Variants in RTN1 observed in about 807,000 individuals in gnomAD.
RTN1 encodes reticulon 1.
RTN1 carries 25 observed loss-of-function variants against 65.5 expected under a neutral mutation model. That is an observed-to-expected ratio of 0.38 (90% CI 0.28 to 0.53). The LOEUF is 0.53. RTN1 is among the 20% of genes least tolerant of loss of function. RTN1 has a pLI of 0.79. For synonymous variants in RTN1, 471 were observed against 447.6 expected (o/e 1.05, Z -0.66); for missense variants, 983 against 1,025.4 (o/e 0.96, Z 0.57).
At chr14:59,669,656 T>G (rs1375830899) in intron 3 of RTN1, among the ~76,000 whole-genome samples, 2 of 152,072 alleles carry the variant, frequency 1.3e-5, no homozygotes, top group African/African-American at 2.4e-5. Context: ...CTTATGATCA[T>G]GAGGAGATGA....
chr14:59,736,916 C>A, intron 2 of RTN1, among the ~76,000 whole-genome samples: 1 of 152,192 alleles, frequency 6.6e-6, no homozygotes, highest in Non-Finnish European at 1.5e-5. Context: ...GACAAAACCA[C>A]ATGATTATCT....
intron 3 of RTN1, among the ~76,000 whole-genome samples, chr14:59,665,470 C>G (rs1050712895): frequency 6.6e-6 from 1 of 152,152 alleles, no homozygotes; most frequent in African/African-American, 2.4e-5. Context: ...ACAACCGGTA[C>G]CAGCCACTGC....
intron 2 of RTN1, among the ~76,000 whole-genome samples, chr14:59,729,091 A>AT (rs1370695221): frequency 6.6e-6 from 1 of 152,196 alleles, no homozygotes; most frequent in Non-Finnish European, 1.5e-5. Flanking sequence ...AGTAACCTAT[A>AT]TTTAACACTT....
Position 59,745,995 on chromosome 14 carries a change from G to T in RTN1, c.728C>A (p.Ala243Asp). The change falls in exon 2 of 9, where the codon GCT (alanine) becomes GAT (aspartate). Residue 243 changes from alanine (A) to aspartate (D), a missense_variant. Physicochemically the swap from Ala to Asp is moderately radical, Grantham distance 126 (BLOSUM62 -2). This residue lies in a region of RTN1 where 818 missense variants were observed against 801.8 expected (regional missense o/e 1.02). Coordinates refer to ENST00000267484, the MANE Select transcript of RTN1 (RefSeq NM_021136.3). ...PEGVREPDKP[A>D]PVEGKIIKDH... ...CTTGATGATTTTTCCCTCCACAGGA[G>T]CTGGTTTGTCAGGTTCACGGACTCC... is the stretch of plus-strand genomic sequence containing the variant. The T allele has an allele frequency of 6.2e-7, 1 of 1,614,156 alleles. No individual in the cohort carries two copies. Among genetic ancestry groups the T allele is most frequent in the Non-Finnish European group, 8.5e-7 (1 of 1,180,026 alleles).
chr14:59,674,751 GA>G (rs1566681341), intron 3 of RTN1, among the ~76,000 whole-genome samples: 1 of 152,142 alleles, frequency 6.6e-6, no homozygotes, highest in Non-Finnish European at 1.5e-5. Flanking sequence ...GTATAATTCT[GA>G]AATGAAAGAT....
At chr14:59,600,148 G>A (rs1025823382) in intron 8 of RTN1, among the ~76,000 whole-genome samples, 2 of 152,008 alleles carry the variant, frequency 1.3e-5, no homozygotes, top group African/African-American at 4.8e-5. Flanking sequence ...AAGGTGAAAC[G>A]ACCTAGACAG....
intron 3 of RTN1, among the ~76,000 whole-genome samples, chr14:59,716,885 G>A (rs959238261): frequency 7.9e-5 from 12 of 151,548 alleles, no homozygotes; most frequent in South Asian, 2.1e-4. Context: ...GGAGAATGGC[G>A]TGAACCCAGG....
At chr14:59,646,378 G>A (rs1459801306) in intron 3 of RTN1, among the ~76,000 whole-genome samples, 1 of 152,174 alleles carries the variant, frequency 6.6e-6, no homozygotes, top group Non-Finnish European at 1.5e-5. Flanking sequence ...AAACAACTTG[G>A]AAAACATATT....
chr14:59,819,411 A>ACCCCCCCC lies in RTN1; in HGVS notation c.241+50978_241+50979insGGGGGGGG, dbSNP rs1566737447. ...AGCTGATTGGTGCATCCACACCACC[A>ACCCCCCCC]CCACCCCCCCCCCACCCCCCACCCC... On this transcript the variant is annotated intron_variant, in intron 1 of 8. Transcript: ENST00000267484. Among the ~76,000 whole-genome samples the ACCCCCCCC allele has an allele frequency of 6.3e-4, 8 of 12,718 alleles. 1 individual carries two copies. Among genetic ancestry groups the ACCCCCCCC allele is most frequent in the African/African-American group, 2.1e-3 (3 of 1,456 alleles). The allele number at this position is 12,718 out of a possible 152,430, so 8.3% of individuals were successfully genotyped here.
chr14:59,772,083 CTT>C (rs1485809442), intron 1 of RTN1, among the ~76,000 whole-genome samples: 1 of 152,102 alleles, frequency 6.6e-6, no homozygotes, highest in Non-Finnish European at 1.5e-5. Flanking sequence ...ACTGAAATAA[CTT>C]TTTATATCTG....
At chr14:59,834,435 T>G (rs768141096) in intron 1 of RTN1, among the ~76,000 whole-genome samples, 3 of 152,176 alleles carry the variant, frequency 2.0e-5, no homozygotes, top group Admixed American at 6.5e-5. Flanking sequence ...AGCCACAGAC[T>G]GGGAGAAATA....
chr14:59,849,766 G>A lies in RTN1; in HGVS notation c.241+20624C>T, dbSNP rs1239752291. Among the ~76,000 whole-genome samples, 1 of 152,204 alleles carries A rather than the reference G, an allele frequency of 6.6e-6. No homozygotes were observed. The highest frequency in any genetic ancestry group is 1.5e-5 in the Non-Finnish European group (1 of 68,036). On this transcript the variant is annotated intron_variant, in intron 1 of 8. Coordinates refer to ENST00000267484, the MANE Select transcript of RTN1 (RefSeq NM_021136.3). This position sits in a 1 kb window ranked among gnomAD's most constrained non-coding sequence, Gnocchi z 4.5. The stretch of plus-strand genomic sequence containing the variant: ...ATGTGAATTACAATTTCTAAGGGAA[G>A]TAAAGCCAAGAACTCCCACTCTCAC...
chr14:59,673,569 C>T (rs1182772257), intron 3 of RTN1, among the ~76,000 whole-genome samples: 1 of 152,162 alleles, frequency 6.6e-6, no homozygotes, highest in Non-Finnish European at 1.5e-5. Context: ...AGGCAGGTAG[C>T]CCCCATAGGA....
intron 3 of RTN1, among the ~76,000 whole-genome samples, chr14:59,662,015 C>T (rs558530182): frequency 6.6e-6 from 1 of 152,234 alleles, no homozygotes; most frequent in Non-Finnish European, 1.5e-5. Flanking sequence ...CTGTCTCAGC[C>T]CAAAATCTCC....
At chr14:59,659,320 G>A (rs1156734813) in intron 3 of RTN1, among the ~76,000 whole-genome samples, 1 of 152,056 alleles carries the variant, frequency 6.6e-6, no homozygotes, top group Non-Finnish European at 1.5e-5. Context: ...CACTCTTCAG[G>A]GTATTATCCA....
chr14:59,853,812 A>G (rs1379286262), intron 1 of RTN1, among the ~76,000 whole-genome samples: 1 of 150,320 alleles, frequency 6.7e-6, no homozygotes, highest in Non-Finnish European at 1.5e-5. Flanking sequence ...CCATACAGTT[A>G]GTTTGGGGAT....
intron 1 of RTN1, among the ~76,000 whole-genome samples, chr14:59,844,716 G>A (rs1887375134): frequency 6.6e-6 from 1 of 152,082 alleles, no homozygotes; most frequent in Admixed American, 6.6e-5. Flanking sequence ...AAATGGTTAA[G>A]ATGGCACATA....
intron 1 of RTN1, among the ~76,000 whole-genome samples, chr14:59,753,970 G>A (rs1885582956): frequency 6.6e-6 from 1 of 152,212 alleles, no homozygotes; most frequent in Non-Finnish European, 1.5e-5. Flanking sequence ...GAGAGTCGCT[G>A]TGTTAACCTA....
chr14:59,729,571 T>C (rs947636891), intron 2 of RTN1, among the ~76,000 whole-genome samples: 2 of 152,236 alleles, frequency 1.3e-5, no homozygotes, highest in South Asian at 4.1e-4. Flanking sequence ...AGCTTACTTC[T>C]GAGTGGTTGA....
Sources: gnomAD v4.1 joint callset for allele counts (sites outside exome capture counted in the v4.1 genomes callset) on GRCh38, gnomAD v4.1.1 for gene constraint, gnomAD v4.1.1 regional missense constraint, Gnocchi (gnomAD v3.1) non-coding constraint, MANE v1.5 for transcripts, NCBI Gene and HGNC (gene_info 2026-07-23, HGNC 2026-07-21) for gene names.